ERBIN: variants seen among roughly 807,000 people sequenced by gnomAD.
ERBIN encodes densin-180-like protein.
A neutral mutation model predicts 158.4 loss-of-function variants in ERBIN; 60 were observed. That is an observed-to-expected ratio of 0.38 (90% CI 0.31 to 0.47). The LOEUF is 0.47. Among genes scored for constraint, ERBIN ranks in the 20% least tolerant of loss-of-function variants. The pLI is 0.99. For missense variants in ERBIN, 1,610 were observed against 1,648.0 expected, an observed-to-expected ratio of 0.98 and a Z score of 0.40; for synonymous variants, 594 against 557.2, an observed-to-expected ratio of 1.07 and a Z score of -0.93.
chr5:66,031,670 A>G (rs909153344), intron 14 of ERBIN, among the ~76,000 whole-genome samples: 3 of 152,150 alleles, frequency 2.0e-5, no homozygotes, highest in Non-Finnish European at 4.4e-5. Context: ...GTCTCTGCAA[A>G]TAAATTAAAA....
At position 65,935,399 on chromosome 5, in the gene ERBIN, A is replaced by G. The variant is rs112855761; in HGVS notation, c.-58+8593A>G. 6.2e-3 allele frequency among the ~76,000 whole-genome samples: 942 copies of G among 152,334 alleles called. 10 individuals carry two copies. The highest frequency in any genetic ancestry group is 0.021 in the African/African-American group (892 of 41,576). On this transcript the variant is annotated intron_variant, in intron 1 of 25. Transcript: ENST00000284037. ...TTGTAACTTATCTCTAACAGTGAGA[A>G]ATAGTTTTGTTTCCATATGTTATGT... is the stretch of plus-strand genomic sequence containing the variant.
At chr5:66,072,336 T>C in intron 22 of ERBIN, 45 bp downstream of exon 22, 1 of 1,541,744 alleles carries the variant, frequency 6.5e-7, no homozygotes, top group East Asian at 2.5e-5. Context: ...GAGCTTTCTA[T>C]ATTTTGCAGC....
intron 1 of ERBIN, among the ~76,000 whole-genome samples, chr5:65,957,126 C>T (rs528452505): frequency 6.6e-6 from 1 of 152,072 alleles, no homozygotes; most frequent in African/African-American, 2.4e-5. Flanking sequence ...TTTTGTGAAA[C>T]TGTGGTACAT....
intron 1 of ERBIN, among the ~76,000 whole-genome samples, chr5:65,968,254 GGGAGAC>G (rs1318054857): frequency 6.6e-6 from 1 of 152,116 alleles, no homozygotes; most frequent in African/African-American, 2.4e-5. Flanking sequence ...TATCATGATG[GGGAGAC>G]CATTATACAT....
At chr5:66,073,103 AT>A (rs1257230410) in intron 22 of ERBIN, among the ~76,000 whole-genome samples, 1 of 152,116 alleles carries the variant, frequency 6.6e-6, no homozygotes, top group Non-Finnish European at 1.5e-5. Flanking sequence ...ATACTTTCTA[AT>A]TTCCTGAGCC....
intron 5 of ERBIN, among the ~76,000 whole-genome samples, chr5:66,012,568 A>G (rs1754318113): frequency 6.6e-6 from 1 of 152,250 alleles, no homozygotes; most frequent in Admixed American, 6.5e-5. Flanking sequence ...AAAAAACTAT[A>G]TGATTGGTTG....
intron 14 of ERBIN, among the ~76,000 whole-genome samples, chr5:66,034,956 A>T (rs1416209643): frequency 6.6e-6 from 1 of 152,146 alleles, no homozygotes; most frequent in Non-Finnish European, 1.5e-5. Flanking sequence ...AGAATGTCAA[A>T]AGGTCAAAGG....
At chr5:65,952,139 A>G (rs985944645) in intron 1 of ERBIN, among the ~76,000 whole-genome samples, 3 of 152,200 alleles carry the variant, frequency 2.0e-5, no homozygotes, top group Non-Finnish European at 4.4e-5. Flanking sequence ...GTCAGAAAAC[A>G]CAGGATACTC....
At chr5:65,964,032 A>G (rs62361674) in intron 1 of ERBIN, among the ~76,000 whole-genome samples, 2,982 of 152,136 alleles carry the variant, frequency 0.02, 45 homozygotes, top group Non-Finnish European at 0.033. Flanking sequence ...GTCTCCTGAC[A>G]TTGTGATCTG....
At chr5:65,927,229 C>A (rs552175926) in intron 1 of ERBIN, among the ~76,000 whole-genome samples, 5 of 152,142 alleles carry the variant, frequency 3.3e-5, no homozygotes, top group African/African-American at 4.8e-5. Flanking sequence ...AGATGGCTGC[C>A]GCGTTTGTTT....
chr5:65,958,396 A>G (rs1370569285), intron 1 of ERBIN, among the ~76,000 whole-genome samples: 2 of 152,224 alleles, frequency 1.3e-5, no homozygotes, highest in East Asian at 3.9e-4. Context: ...AGGCTGGCAG[A>G]TCACTCGCGG....
At chr5:65,983,934 T>C (rs1260855113) in intron 1 of ERBIN, among the ~76,000 whole-genome samples, 1 of 152,152 alleles carries the variant, frequency 6.6e-6, no homozygotes, top group Non-Finnish European at 1.5e-5. Context: ...CATATGAACC[T>C]AGCATCACAG....
chr5:65,996,136 C>CT (rs1257979228), intron 4 of ERBIN, among the ~76,000 whole-genome samples: 1 of 150,154 alleles, frequency 6.7e-6, no homozygotes, highest in Admixed American at 6.6e-5. Flanking sequence ...TCTGTTTTTG[C>CT]TTTTTTTGCC....
At chr5:66,035,195 G>C (rs1477716767) in intron 14 of ERBIN, among the ~76,000 whole-genome samples, 2 of 152,094 alleles carry the variant, frequency 1.3e-5, no homozygotes. Flanking sequence ...ATTGCTATCT[G>C]TATCCTCATT....
intron 1 of ERBIN, among the ~76,000 whole-genome samples, chr5:65,927,325 ATATT>A (rs1438084247): frequency 6.6e-6 from 1 of 152,074 alleles, no homozygotes; most frequent in Non-Finnish European, 1.5e-5. Context: ...CCTGATCAGT[ATATT>A]TAGTTAGATT....
Position 66,043,962 on chromosome 5 carries a change from A to G in ERBIN, c.1429-175A>G, listed in dbSNP as rs560678549. Among the ~76,000 whole-genome samples, 8 of 152,320 alleles carry G rather than the reference A, an allele frequency of 5.3e-5. 2 individuals are homozygous for G. In the South Asian group the frequency reaches 1.7e-3, roughly 32 times the overall value. ...ATTTACTGCAAAGTCTTATTTTGTC[A>G]TAAAACCATATTTTTATCAAGCCTA... On this transcript the variant is annotated intron_variant, in intron 16 of 25. Transcript: ENST00000284037.
At chr5:65,963,522 C>G (rs996480933) in intron 1 of ERBIN, among the ~76,000 whole-genome samples, 3 of 151,704 alleles carry the variant, frequency 2.0e-5, no homozygotes, top group Non-Finnish European at 2.9e-5. Flanking sequence ...CGCTTGAACC[C>G]GGGAGGTGGA....
chr5:65,942,164 T>G (rs1745134960), intron 1 of ERBIN, among the ~76,000 whole-genome samples: 1 of 152,344 alleles, frequency 6.6e-6, no homozygotes, highest in African/African-American at 2.4e-5. Context: ...GTACCACCTC[T>G]TTTTTCTTTT....
chr5:65,955,409 C>A (rs1746987151), intron 1 of ERBIN, among the ~76,000 whole-genome samples: 1 of 152,140 alleles, frequency 6.6e-6, no homozygotes, highest in Non-Finnish European at 1.5e-5. Flanking sequence ...GTGTGCGGAT[C>A]ACTTGAGGTC....
Sources: allele counts gnomAD v4.1 joint callset (sites outside exome capture counted in the v4.1 genomes callset), GRCh38; gene constraint gnomAD v4.1.1; transcripts MANE v1.5; gene names NCBI Gene and HGNC (gene_info 2026-07-23, HGNC 2026-07-21).